Variants in SARM1 observed in about 807,000 individuals in gnomAD.
SARM1 encodes the protein NAD(+) hydrolase SARM1.
SARM1 carries 60 observed loss-of-function variants against 65.1 expected under a neutral mutation model. The ratio of observed to expected loss-of-function variants is 0.92; its 90% CI spans 0.75 to 1.14. SARM1 has a LOEUF of 1.14. SARM1 is among the 50% of genes most tolerant of loss of function. The pLI, the probability that SARM1 is intolerant of heterozygous loss-of-function variation, is 0.00. For missense variants in SARM1, 913 were observed against 1,015.7 expected, an observed-to-expected ratio of 0.90 and a Z score of 1.37; for synonymous variants, 417 against 465.4, an observed-to-expected ratio of 0.90 and a Z score of 1.34.
rs1882991004 is a variant in SARM1 at position 28,384,826 on chromosome 17, ACT to A, written c.1303-11_1303-10del. 1 of 1,549,796 alleles carries A rather than the reference ACT, an allele frequency of 6.5e-7. No individual in the cohort carries two copies. The highest frequency in any genetic ancestry group is 8.7e-7 in the Non-Finnish European group (1 of 1,146,368). ...GTAGCGAAGCCCTTCCTGACACCCG[ACT>A]CCTCCCCCAGGAGCAGCAGGTGGAT... On this transcript the variant is annotated splice_polypyrimidine_tract_variant and intron_variant, in intron 3 of 8. Transcript: ENST00000585482. This position sits in a 1 kb window ranked among gnomAD's most constrained non-coding sequence, Gnocchi z 4.4.
chr17:28,385,190 G>T lies in SARM1; in HGVS notation c.1545G>T (p.Leu515=). The T allele has an allele frequency of 6.2e-7, 1 of 1,608,004 alleles. No homozygotes were observed. The highest frequency in any genetic ancestry group is 8.5e-7 in the Non-Finnish European group (1 of 1,178,486). The change falls in exon 5 of 9, where the codon CTG becomes CTT. Residue 515 remains leucine (L), a synonymous_variant. Coordinates refer to ENST00000585482, the MANE Select transcript of SARM1 (RefSeq NM_015077.4). This position sits in a 1 kb window ranked among gnomAD's most constrained non-coding sequence, Gnocchi z 4.5. ...LVSCGLDRSL[L]HRVSEQQLLE... ...GCTGCGGCCTGGACCGCTCCCTGCT[G>T]CACCGCGTGTCTGAGCAGCAGCTGC...
At position 28,381,609 on chromosome 17, in the gene SARM1, C is replaced by A; in HGVS notation, c.877C>A (p.Leu293Met). The change falls in exon 2 of 9, where the codon CTG (leucine) becomes ATG (methionine). Residue 293 changes from leucine to methionine, a missense_variant. Transcript: ENST00000585482. ...VEREVERSGTLALVEPLVASL... is the reference protein window; with the variant it reads ...VEREVERSGTMALVEPLVASL... ...GCGCGAGGTGGAGCGCTCGGGCACG[C>A]TGGCGCTCGTGGAGCCGCTTGTGGC... 1 of 1,582,674 alleles carries A rather than the reference C, an allele frequency of 6.3e-7. No individual in the cohort carries two copies. The highest frequency in any genetic ancestry group is 1.2e-5 in the South Asian group (1 of 86,568).
chr17:28,381,881 C>T, intron 2 of SARM1, 60 bp downstream of exon 2: 2 of 1,382,122 alleles, frequency 1.4e-6, no homozygotes, highest in South Asian at 1.8e-5. Flanking sequence ...GAAGGTTTCC[C>T]AGAGGAAGTC....
intron 1 of SARM1, chr17:28,373,492 T>TA (rs1272157711): frequency 6.6e-6 from 1 of 152,182 alleles, no homozygotes; most frequent in Admixed American, 6.5e-5. Context: ...AGAAAAAAAT[T>TA]ACCTGGTGAT....
chr17:28,372,073 G>T lies in SARM1; in HGVS notation c.41G>T (p.Arg14Leu). 6.7e-7 allele frequency: 1 copy of T among 1,500,764 alleles called. No individual in the cohort carries two copies. The highest frequency in any genetic ancestry group is 1.2e-5 in the South Asian group (1 of 81,604). 93.0% of individuals were successfully genotyped at this position (1,500,764 alleles called of 1,614,324 possible). The change falls in exon 1 of 9, where the codon CGC becomes CTC. Residue 14 changes from arginine to leucine, a missense_variant. Arg to Leu is a moderately radical substitution (Grantham distance 102). Around this residue, in one of 3 missense-constraint regions of SARM1, gnomAD observed 39 missense variants for 32.0 expected, o/e 1.22. Coordinates refer to ENST00000585482, the MANE Select transcript of SARM1 (RefSeq NM_015077.4). This position sits in a 1 kb window ranked among gnomAD's most constrained non-coding sequence, Gnocchi z 5.2. ...TLLLSAYKLC[R>L]FFAMSGPRPG... ...CTTCTCTCCGCCTACAAGCTGTGTC[G>T]CTTCTTCGCCATGTCGGGCCCACGG...
chr17:28,381,219 A>G lies in SARM1; in HGVS notation c.487A>G (p.Ile163Val), dbSNP rs893364527. 6.2e-7 allele frequency: 1 copy of G among 1,605,748 alleles called. No individual in the cohort carries two copies. The highest frequency in any genetic ancestry group is 8.5e-7 in the Non-Finnish European group (1 of 1,176,428). Residue 163 changes from isoleucine to valine, a missense_variant, in exon 2 of 9, where the codon ATT (isoleucine) becomes GTT (valine). By Grantham distance (29) the Ile-to-Val change is conservative (BLOSUM62 3). Around this residue, in one of 3 missense-constraint regions of SARM1, gnomAD observed 862 missense variants for 952.1 expected, o/e 0.91. Transcript: ENST00000585482. ...VAENRDRVAR[I>V]GLGVILNLAK... is the part of the protein sequence containing the mutation. ...ACTGGGCAGAGACCGCGTGGCGCGC[A>G]TTGGGCTGGGCGTGATCCTGAACCT... is the stretch of plus-strand genomic sequence containing the variant.
intron 2 of SARM1, among the ~76,000 whole-genome samples, 163 bp downstream of exon 2, chr17:28,381,984 G>A (rs1487777961): frequency 6.6e-6 from 1 of 152,204 alleles, no homozygotes; most frequent in Non-Finnish European, 1.5e-5. Flanking sequence ...AGGCAAACCC[G>A]AAGTTTGGAC....
chr17:28,396,038 G>C lies in SARM1; in HGVS notation c.2045+12G>C. On this transcript the variant is annotated intron_variant, in intron 8 of 8. Coordinates refer to ENST00000585482, the MANE Select transcript of SARM1 (RefSeq NM_015077.4). ...TTCAACGGTATCAAGTGAGCCCCAG[G>C]GCCCTGGGACCAGGGGGGTAGGGTA... 1 of 1,613,844 alleles carries C rather than the reference G, an allele frequency of 6.2e-7. No homozygotes were observed. Among genetic ancestry groups the C allele is most frequent in the Non-Finnish European group, 8.5e-7 (1 of 1,179,836 alleles).
chr17:28,392,992 C>G (rs1286959313), intron 7 of SARM1, among the ~76,000 whole-genome samples: 1 of 152,284 alleles, frequency 6.6e-6, no homozygotes, highest in South Asian at 2.1e-4. Context: ...AAAGTAAAAT[C>G]CCTTTGGTTC....
At position 28,372,695 on chromosome 17, in the gene SARM1, T is replaced by C. The variant is rs1000219773; in HGVS notation, c.470+193T>C. 2.6e-5 allele frequency among the ~76,000 whole-genome samples: 4 copies of C among 152,208 alleles called. No homozygotes were observed. Among genetic ancestry groups the C allele is most frequent in the African/African-American group, 9.7e-5 (4 of 41,446 alleles). ...GCCTTGGGAAAGTTTAGTGACTTGC[T>C]CAGTGGATCACAGTGAACTAAGATT... On this transcript the variant is annotated intron_variant, in intron 1 of 8. Transcript: ENST00000585482. The surrounding 1 kb of genome is among the most constrained non-coding windows in gnomAD (Gnocchi z 5.2).
At chr17:28,388,657 T>C in intron 7 of SARM1, 118 bp downstream of exon 7, 3 of 1,045,130 alleles carry the variant, frequency 2.9e-6, no homozygotes, top group Non-Finnish European at 4.2e-6. Flanking sequence ...AAGCACCTCC[T>C]TGGCCCAGCT....
In SARM1 at chr17:28,372,464, C is replaced by T. The variant is rs1021298491; in HGVS notation, c.432C>T (p.Ala144=). ...QAPELETRVQ[A]ARLLEQILVA... ...CGGAGTTGGAGACGCGTGTGCAGGC[C>T]GCGCGCCTGCTGGAGCAGATCCTGG... The change falls in exon 1 of 9, where the codon GCC becomes GCT. Residue 144 remains alanine, a synonymous_variant. Coordinates refer to ENST00000585482, the MANE Select transcript of SARM1 (RefSeq NM_015077.4). This position sits in a 1 kb window ranked among gnomAD's most constrained non-coding sequence, Gnocchi z 5.2. The T allele has an allele frequency of 3.3e-6, 5 of 1,530,260 alleles. No homozygotes were observed. Among genetic ancestry groups the T allele is most frequent in the Non-Finnish European group, 4.4e-6 (5 of 1,145,434 alleles). 94.8% of individuals were successfully genotyped at this position (1,530,260 alleles called of 1,614,324 possible). A position where few individuals can be genotyped will look rare whatever the true frequency, so the allele number is the denominator to read the frequency against.
intron 1 of SARM1, among the ~76,000 whole-genome samples, chr17:28,378,299 A>G (rs1320065770): frequency 6.6e-6 from 1 of 152,156 alleles, no homozygotes; most frequent in East Asian, 1.9e-4. Context: ...TGCCTCAGCC[A>G]TGGAAGTGTG....
At chr17:28,395,745 A>G in intron 7 of SARM1, 160 bp from the exon 8 acceptor site, 1 of 686,856 alleles carries the variant, frequency 1.5e-6, no homozygotes, top group Non-Finnish European at 2.4e-6. Flanking sequence ...TTTATTTTTT[A>G]TTACACTACA....
intron 5 of SARM1, 178 bp from the exon 6 acceptor site, chr17:28,387,996 A>G (rs1406198950): frequency 3.2e-6 from 2 of 616,166 alleles, no homozygotes; most frequent in East Asian, 2.7e-5. Context: ...GAGGAACCCA[A>G]CAATAACATG....
Position 28,372,481 on chromosome 17 carries a change from A to G in SARM1, c.449A>G (p.Gln150Arg). Residue 150 changes from glutamine to arginine, a missense_variant, in exon 1 of 9, where the codon CAG (glutamine) becomes CGG (arginine). Physicochemically the swap from Gln to Arg is conservative, Grantham distance 43. Transcript: ENST00000585482. This position sits in a 1 kb window ranked among gnomAD's most constrained non-coding sequence, Gnocchi z 5.2. ...TRVQAARLLE[Q>R]ILVAENRDRV... is the part of the protein sequence containing the mutation. The stretch of plus-strand genomic sequence containing the variant: ...GTGCAGGCCGCGCGCCTGCTGGAGC[A>G]GATCCTGGTGGCTGAGAACCGGTGA... 6.5e-7 allele frequency: 1 copy of G among 1,529,384 alleles called. No homozygotes were observed. Among genetic ancestry groups the G allele is most frequent in the East Asian group, 2.5e-5 (1 of 40,060 alleles). The allele number at this position is 1,529,384 out of a possible 1,614,324, so 94.7% of individuals were successfully genotyped here. A position where few individuals can be genotyped will look rare whatever the true frequency, so the allele number is the denominator to read the frequency against.
In SARM1 at chr17:28,388,202, T is replaced by G. The variant is rs1555586331; in HGVS notation, c.1659T>G (p.Thr553=). ...TGCTACACTCCCCGCTGCCCTGTAC[T>G]GGTGGCAAACCCAGTGGGGACACTC... ...REMLHSPLPC[T]GGKPSGDTPD... Residue 553 remains threonine, a synonymous_variant, in exon 6 of 9, where the codon ACT becomes ACG. Transcript: ENST00000585482. 1.4e-5 allele frequency: 21 copies of G among 1,550,166 alleles called. No homozygotes were observed. Among genetic ancestry groups the G allele is most frequent in the Non-Finnish European group, 1.7e-5 (20 of 1,147,114 alleles).
chr17:28,375,428 C>A (rs1037991836), intron 1 of SARM1, among the ~76,000 whole-genome samples: 16 of 150,726 alleles, frequency 1.1e-4, no homozygotes, highest in Admixed American at 6.6e-5. Flanking sequence ...GAAACCCCGT[C>A]TCTACTAAAA....
chr17:28,394,148 G>A (rs560886803), intron 7 of SARM1, among the ~76,000 whole-genome samples: 1 of 152,350 alleles, frequency 6.6e-6, no homozygotes, highest in South Asian at 2.1e-4. Context: ...GCAAAGTCTT[G>A]AAGAATTTTA....
Sources: allele counts gnomAD v4.1 joint callset (sites outside exome capture counted in the v4.1 genomes callset), GRCh38; gene constraint gnomAD v4.1.1; regional missense constraint gnomAD v4.1.1; non-coding constraint Gnocchi (gnomAD v3.1); transcripts MANE v1.5; gene names NCBI Gene and HGNC (gene_info 2026-07-23, HGNC 2026-07-21).